The following FAM184A variants were observed in gnomAD, a reference collection of about 807,000 sequenced individuals.
The protein encoded by FAM184A is family with sequence similarity 184 member A.
Under a neutral mutation model 143.8 loss-of-function variants are expected in FAM184A, and 99 were observed. The observed-to-expected ratio is 0.69, with a 90% CI of 0.58 to 0.81. The LOEUF is 0.81. Ranked by LOEUF, FAM184A falls within the 40% of genes least tolerant of loss-of-function variation. FAM184A has a pLI of 0.00. For synonymous variants in FAM184A, 427 were observed against 446.4 expected, an observed-to-expected ratio of 0.96 and a Z score of 0.55; for missense variants, 1,217 against 1,310.5, an observed-to-expected ratio of 0.93 and a Z score of 1.10.
At chr6:119,057,451 AAAG>A (rs1412741266) in intron 1 of FAM184A, among the ~76,000 whole-genome samples, 1 of 152,226 alleles carries the variant, frequency 6.6e-6, no homozygotes, top group African/African-American at 2.4e-5. Context: ...TTAAAATGGC[AAAG>A]AAGGCTGGGC....
In FAM184A at chr6:118,979,418, T is replaced by C; in HGVS notation, c.2402A>G (p.Gln801Arg). 6.2e-7 allele frequency: 1 copy of C among 1,613,984 alleles called. No homozygotes were observed. Among genetic ancestry groups the C allele is most frequent in the Non-Finnish European group, 8.5e-7 (1 of 1,179,946 alleles). ...TTCAAACCGAAGAGTCTGAAGTTCC[T>C]GTTCCATTTCTATCCGGAAGCCCTC... ...SMEGFRIEME[Q>R]ELQTLRFELE... Residue 801 changes from glutamine (Q) to arginine (R), a missense_variant, in exon 11 of 18, where the codon CAG (glutamine) becomes CGG (arginine). By Grantham distance (43) the Gln-to-Arg change is conservative. Transcript: ENST00000338891.
At chr6:118,991,878 T>G (rs554366241) in intron 9 of FAM184A, among the ~76,000 whole-genome samples, 1 of 146,434 alleles carries the variant, frequency 6.8e-6, no homozygotes, top group South Asian at 2.3e-4. Context: ...TTCTCCTGCC[T>G]CAGCCTCCCA....
At chr6:119,137,639 T>C (rs1212744218) in intron 1 of FAM184A, among the ~76,000 whole-genome samples, 1 of 152,178 alleles carries the variant, frequency 6.6e-6, no homozygotes, top group African/African-American at 2.4e-5. Context: ...TTCTCATTCT[T>C]ATGCACAAAT....
At chr6:119,101,455 A>G (rs1199193655) in intron 1 of FAM184A, among the ~76,000 whole-genome samples, 3 of 152,176 alleles carry the variant, frequency 2.0e-5, no homozygotes, top group Admixed American at 6.5e-5. Context: ...TTACTATAGG[A>G]TAACAGTGAC....
chr6:118,978,344 T>C (rs1361010203), intron 11 of FAM184A, among the ~76,000 whole-genome samples: 1 of 152,232 alleles, frequency 6.6e-6, no homozygotes, highest in Non-Finnish European at 1.5e-5. Context: ...GGGACTGTTT[T>C]TGCCTGCCCT....
Position 119,072,012 on chromosome 6 carries a change from C to T in FAM184A, c.159+6129G>A, listed in dbSNP as rs150680322. On this transcript the variant is annotated intron_variant, in intron 1 of 17. Coordinates refer to ENST00000338891, the MANE Select transcript of FAM184A (RefSeq NM_024581.6). ...AAGTAGCTGGGATTACAAGCACCCA[C>T]CACCACACCAGCTAATTTTTTGTAT... is the stretch of plus-strand genomic sequence containing the variant. 5.6e-3 allele frequency among the ~76,000 whole-genome samples: 850 copies of T among 152,110 alleles called. 6 individuals carry two copies. The highest frequency in any genetic ancestry group is 0.019 in the African/African-American group (773 of 41,506).
intron 1 of FAM184A, among the ~76,000 whole-genome samples, chr6:119,096,065 T>G (rs1041394676): frequency 1.3e-5 from 2 of 152,182 alleles, no homozygotes; most frequent in Non-Finnish European, 1.5e-5. Flanking sequence ...CTCATGTCAT[T>G]TGAAAAGAAT....
At chr6:119,094,613 C>A (rs745586545) in intron 1 of FAM184A, among the ~76,000 whole-genome samples, 2 of 152,192 alleles carry the variant, frequency 1.3e-5, no homozygotes, top group Non-Finnish European at 2.9e-5. Context: ...GGGATGCTTT[C>A]TCCAACTACA....
Position 119,113,555 on chromosome 6 carries a change from A to G in FAM184A, c.-202+35523T>C, listed in dbSNP as rs183507768. On this transcript the variant is annotated intron_variant, in intron 1 of 16. Transcript: ENST00000352896. ...CCCTTATCTGTGGTTTTGCTTTCCA[A>G]GGTTTCAGTTACCTGAAGTCAACTG... Among the ~76,000 whole-genome samples, 40 of 152,080 alleles carry G rather than the reference A, an allele frequency of 2.6e-4. 2 individuals are homozygous for G. In the East Asian group the frequency reaches 5.8e-3, roughly 22 times the overall value.
Position 118,975,009 on chromosome 6 carries a change from T to C in FAM184A, c.2768+15A>G. Reference sequence around the variant, plus strand: ...ATGACACTGCATATTCCTTCTGTTGTACTTAATGGCATACCTTATCTGTTG... The same window carrying C: ...ATGACACTGCATATTCCTTCTGTTGCACTTAATGGCATACCTTATCTGTTG... On this transcript the variant is annotated intron_variant, in intron 13 of 17. Transcript: ENST00000338891. 1 of 1,598,218 alleles carries C rather than the reference T, an allele frequency of 6.3e-7. No individual in the cohort carries two copies. Among genetic ancestry groups the C allele is most frequent in the Non-Finnish European group, 8.6e-7 (1 of 1,168,360 alleles).
intron 1 of FAM184A, among the ~76,000 whole-genome samples, chr6:119,075,943 C>T (rs1054325496): frequency 6.6e-6 from 1 of 152,176 alleles, no homozygotes; most frequent in African/African-American, 2.4e-5. Context: ...GTCCTATTAT[C>T]AAACTGTTTC....
At chr6:119,025,764 G>A (rs573544353) in intron 1 of FAM184A, among the ~76,000 whole-genome samples, 2 of 152,310 alleles carry the variant, frequency 1.3e-5, no homozygotes, top group Non-Finnish European at 2.9e-5. Flanking sequence ...AGTAAACACT[G>A]TACAATCAAA....
chr6:119,061,364 T>C (rs1223359326), intron 1 of FAM184A, among the ~76,000 whole-genome samples: 2 of 151,874 alleles, frequency 1.3e-5, no homozygotes, highest in Admixed American at 1.3e-4. Context: ...TTCTTTCTTT[T>C]TTTTTAATAG....
Position 119,011,325 on chromosome 6 carries a change from T to C in FAM184A, c.1637A>G (p.Asn546Ser), listed in dbSNP as rs374100441. ...NLKEVLEDKL[N>S]TANQEIGHLQ... ...AATTCTTGCCTCTTGATTGGCTGTA[T>C]TCAACTTGTCTTCCAGTACTTCCTT... The change falls in exon 6 of 18, where the codon AAT (asparagine) becomes AGT (serine). Residue 546 changes from asparagine (N) to serine (S), a missense_variant. Physicochemically the swap from Asn to Ser is conservative, Grantham distance 46 (BLOSUM62 1). Coordinates refer to ENST00000338891, the MANE Select transcript of FAM184A (RefSeq NM_024581.6). The C allele has an allele frequency of 5.6e-6, 9 of 1,608,876 alleles. No homozygotes were observed. The East Asian group carries it at 1.6e-4, about 28-fold the overall frequency.
intron 1 of FAM184A, among the ~76,000 whole-genome samples, chr6:119,035,306 C>T (rs1786067699): frequency 6.6e-6 from 1 of 152,102 alleles, no homozygotes; most frequent in Non-Finnish European, 1.5e-5. Flanking sequence ...ACACATACCT[C>T]ATTATACCCT....
chr6:118,960,194 TAA>T lies in FAM184A; in HGVS notation c.3342-12_3342-11del, dbSNP rs759246820. 6.2e-7 allele frequency: 1 copy of T among 1,608,488 alleles called. No individual in the cohort carries two copies. Among genetic ancestry groups the T allele is most frequent in the Non-Finnish European group, 8.5e-7 (1 of 1,177,624 alleles). ...TTCACTCTGAGCAGGACTGAATTCA[TAA>T]AAAGAGAGACATGTAACCCAGCATT... On this transcript the variant is annotated splice_polypyrimidine_tract_variant and intron_variant, in intron 17 of 17. Transcript: ENST00000338891.
intron 1 of FAM184A, among the ~76,000 whole-genome samples, chr6:119,057,105 T>G (rs972852956): frequency 6.6e-6 from 1 of 152,206 alleles, no homozygotes; most frequent in Non-Finnish European, 1.5e-5. Context: ...AATGAGTTAA[T>G]TAATGTAGTC....
intron 1 of FAM184A, among the ~76,000 whole-genome samples, chr6:119,145,620 C>G (rs1772400200): frequency 6.6e-6 from 1 of 152,160 alleles, no homozygotes; most frequent in South Asian, 2.1e-4. Context: ...TTTCAGTAGT[C>G]TGCAAATCTT....
At chr6:119,062,531 A>T (rs1787299696) in intron 1 of FAM184A, among the ~76,000 whole-genome samples, 1 of 152,062 alleles carries the variant, frequency 6.6e-6, no homozygotes, top group Non-Finnish European at 1.5e-5. Flanking sequence ...TGGTGGTGTG[A>T]GCCAATAGTC....
Sources: allele counts gnomAD v4.1 joint callset (sites outside exome capture counted in the v4.1 genomes callset), GRCh38; gene constraint gnomAD v4.1.1; transcripts MANE v1.5; gene names NCBI Gene and HGNC (gene_info 2026-07-23, HGNC 2026-07-21).